The following PDE4D variants were observed in gnomAD, a reference collection of about 807,000 sequenced individuals.
PDE4D encodes phosphodiesterase 4D, also known as 3',5'-cyclic-AMP phosphodiesterase 4D.
A neutral mutation model predicts 87.4 loss-of-function variants in PDE4D; 24 were observed. That is an observed-to-expected ratio of 0.27 (90% CI 0.20 to 0.39). The LOEUF (loss-of-function observed/expected upper bound fraction) is 0.39, where lower values mean the gene tolerates loss of function less well. Ranked by LOEUF, PDE4D falls within the 10% of genes least tolerant of loss-of-function variation. The probability of loss-of-function intolerance (pLI) is 1.00; values close to 1 mark genes in which losing one functional copy is unlikely to be tolerated. For missense variants in PDE4D, 714 were observed against 1,041.0 expected (o/e 0.69, Z 4.32); for synonymous variants, 384 against 383.2 (o/e 1.00, Z -0.02).
intron 3 of PDE4D, among the ~76,000 whole-genome samples, chr5:59,960,748 T>C (rs562589678): frequency 5.9e-5 from 9 of 152,188 alleles, no homozygotes; most frequent in South Asian, 2.1e-4. Flanking sequence ...AAACTTCCAA[T>C]TGGGTACTAT....
intron 3 of PDE4D, among the ~76,000 whole-genome samples, chr5:59,970,117 G>A (rs1346794760): frequency 6.6e-6 from 1 of 152,146 alleles, no homozygotes; most frequent in Non-Finnish European, 1.5e-5. Flanking sequence ...AGCACTAGGT[G>A]TGAGGGAGAG....
At chr5:59,957,371 C>T (rs902257472) in intron 3 of PDE4D, among the ~76,000 whole-genome samples, 3 of 151,358 alleles carry the variant, frequency 2.0e-5, no homozygotes, top group Non-Finnish European at 4.4e-5. Context: ...TATAAAGTTG[C>T]ACTTTTTTTT....
chr5:58,985,728 T>C (rs1341581014), intron 11 of PDE4D, among the ~76,000 whole-genome samples: 4 of 152,192 alleles, frequency 2.6e-5, no homozygotes, highest in Non-Finnish European at 4.4e-5. Context: ...GCTTGACACA[T>C]GGATGCTCAA....
chr5:59,318,928 T>C (rs1349818483), intron 1 of PDE4D, among the ~76,000 whole-genome samples: 4 of 152,052 alleles, frequency 2.6e-5, no homozygotes, highest in African/African-American at 9.7e-5. Flanking sequence ...TTCTTTTATC[T>C]TAATAAAAAA....
intron 5 of PDE4D, among the ~76,000 whole-genome samples, chr5:59,129,475 T>A (rs1428368125): frequency 6.6e-6 from 1 of 152,176 alleles, no homozygotes; most frequent in African/African-American, 2.4e-5. Flanking sequence ...TCCAAATGTA[T>A]GAGCTCCCTG....
At chr5:59,364,996 A>C (rs1307124340) in intron 1 of PDE4D, among the ~76,000 whole-genome samples, 2 of 152,202 alleles carry the variant, frequency 1.3e-5, no homozygotes, top group African/African-American at 4.8e-5. Flanking sequence ...TTCATGCCCA[A>C]AGAGAACTTA....
At chr5:59,981,112 T>A (rs1446986053) in intron 3 of PDE4D, among the ~76,000 whole-genome samples, 1 of 151,860 alleles carries the variant, frequency 6.6e-6, no homozygotes. Flanking sequence ...ATTAGCCTGG[T>A]GTGGTGGGAC....
upstream of PDE4D, chr5:60,491,091 A>C (rs994667637): frequency 6.6e-6 from 1 of 152,208 alleles, no homozygotes; most frequent in Non-Finnish European, 1.5e-5. Flanking sequence ...AGACCTTGGA[A>C]CCAGTTTCCT....
At chr5:60,144,918 A>G (rs1013069107) in intron 2 of PDE4D, among the ~76,000 whole-genome samples, 5 of 152,246 alleles carry the variant, frequency 3.3e-5, no homozygotes, top group African/African-American at 1.2e-4. Context: ...AACAACTGGA[A>G]TTATTTCAGT....
chr5:59,484,390 C>T (rs771302469), intron 1 of PDE4D, among the ~76,000 whole-genome samples: 5 of 152,136 alleles, frequency 3.3e-5, no homozygotes, highest in African/African-American at 4.8e-5. Context: ...TGCAGACTGG[C>T]TCTGTAAATG....
chr5:59,013,893 C>T (rs1450173673), intron 6 of PDE4D, among the ~76,000 whole-genome samples: 1 of 152,142 alleles, frequency 6.6e-6, no homozygotes, highest in Non-Finnish European at 1.5e-5. Context: ...TGCAAAAATC[C>T]TTAATAAAAT....
At chr5:59,156,853 A>C (rs1246151943) in intron 5 of PDE4D, among the ~76,000 whole-genome samples, 1 of 152,184 alleles carries the variant, frequency 6.6e-6, no homozygotes, top group Non-Finnish European at 1.5e-5. Context: ...GAACGAATAG[A>C]GATTTCTTGG....
At chr5:59,438,377 T>C (rs1797096875) in intron 1 of PDE4D, among the ~76,000 whole-genome samples, 1 of 152,216 alleles carries the variant, frequency 6.6e-6, no homozygotes. Flanking sequence ...ATATGACTTG[T>C]CTTTAAATTC....
chr5:59,978,053 A>G (rs1333798294), intron 3 of PDE4D, among the ~76,000 whole-genome samples: 3 of 152,192 alleles, frequency 2.0e-5, no homozygotes, highest in Non-Finnish European at 4.4e-5. Flanking sequence ...TTGACAATGC[A>G]CCTAGTCACT....
chr5:60,492,491 G>A (rs1027748117), upstream of PDE4D, among the ~76,000 whole-genome samples: 1 of 152,062 alleles, frequency 6.6e-6, no homozygotes, highest in Non-Finnish European at 1.5e-5. Flanking sequence ...TTTTTATTAG[G>A]ATTAAGCTCA....
chr5:60,503,206 T>C (rs1263044999), intron 1 of PDE4D, among the ~76,000 whole-genome samples: 2 of 152,134 alleles, frequency 1.3e-5, no homozygotes, highest in Non-Finnish European at 2.9e-5. Context: ...ACGATACTCC[T>C]TTCCCTAATA....
At chr5:60,106,312 A>C (rs1211513308) in intron 2 of PDE4D, among the ~76,000 whole-genome samples, 55 of 151,902 alleles carry the variant, frequency 3.6e-4, no homozygotes, top group Middle Eastern at 3.4e-3. Flanking sequence ...AGCTAACTAT[A>C]CTAAATATAT....
chr5:59,444,893 AT>A (rs1156781848), intron 1 of PDE4D, among the ~76,000 whole-genome samples: 1 of 152,204 alleles, frequency 6.6e-6, no homozygotes, highest in Non-Finnish European at 1.5e-5. Flanking sequence ...TGGGGCAAGC[AT>A]TCTCCAGTTT....
chr5:59,785,928 T>C (rs1561659352), intron 1 of PDE4D, among the ~76,000 whole-genome samples: 1 of 151,814 alleles, frequency 6.6e-6, no homozygotes, highest in African/African-American at 2.4e-5. Flanking sequence ...GGTTATGTCA[T>C]GAGAATTGTA....
Sources: allele counts gnomAD v4.1 joint callset (sites outside exome capture counted in the v4.1 genomes callset), GRCh38; gene constraint gnomAD v4.1.1; transcripts MANE v1.5; gene names NCBI Gene and HGNC (gene_info 2026-07-23, HGNC 2026-07-21).